The following LRMDA variants were observed in gnomAD, a reference collection of about 807,000 sequenced individuals.
The protein encoded by LRMDA is leucine-rich melanocyte differentiation-associated protein.
LRMDA carries 18 observed loss-of-function variants against 29.8 expected under a neutral mutation model. The observed-to-expected ratio is 0.60, with a 90% CI of 0.42 to 0.90. The LOEUF (loss-of-function observed/expected upper bound fraction) is 0.90. Ranked by LOEUF, LRMDA falls within the 40% of genes least tolerant of loss-of-function variation. The pLI is 0.00. For synonymous variants in LRMDA, 125 were observed against 109.4 expected (o/e 1.14, Z -0.89); for missense variants, 273 against 273.9 (o/e 1.00, Z 0.02).
intron 2 of LRMDA, among the ~76,000 whole-genome samples, chr10:75,958,588 C>T (rs1233003517): frequency 1.3e-5 from 2 of 151,962 alleles, no homozygotes; most frequent in Non-Finnish European, 2.9e-5. Flanking sequence ...CCCACTTTCT[C>T]TAATAAGTGT....
intron 2 of LRMDA, among the ~76,000 whole-genome samples, chr10:75,465,956 G>T (rs1221179510): frequency 6.6e-6 from 1 of 152,154 alleles, no homozygotes; most frequent in Non-Finnish European, 1.5e-5. Flanking sequence ...AAAACAGCTG[G>T]GGAAGTGCTG....
intron 6 of LRMDA, among the ~76,000 whole-genome samples, chr10:76,448,060 T>C (rs1297329166): frequency 6.6e-6 from 1 of 152,206 alleles, no homozygotes; most frequent in Non-Finnish European, 1.5e-5. Flanking sequence ...GAGTTTATTT[T>C]GATAGTAAAA....
intron 2 of LRMDA, among the ~76,000 whole-genome samples, chr10:75,924,339 T>C (rs1292105524): frequency 6.6e-6 from 1 of 152,162 alleles, no homozygotes; most frequent in African/African-American, 2.4e-5. Flanking sequence ...ATTTACATGG[T>C]TTGGTAGCTT....
chr10:75,880,355 G>T (rs1052142344), intron 2 of LRMDA, among the ~76,000 whole-genome samples: 1 of 152,148 alleles, frequency 6.6e-6, no homozygotes, highest in African/African-American at 2.4e-5. Flanking sequence ...AGTACTAAAA[G>T]GTCATTCAAA....
chr10:76,150,255 C>T (rs1449976091), intron 5 of LRMDA, among the ~76,000 whole-genome samples: 1 of 152,242 alleles, frequency 6.6e-6, no homozygotes, highest in Non-Finnish European at 1.5e-5. Context: ...AATGTGGCCA[C>T]TCTGAGGCGT....
chr10:75,971,614 G>A (rs1846972588), intron 2 of LRMDA, among the ~76,000 whole-genome samples: 1 of 152,158 alleles, frequency 6.6e-6, no homozygotes, highest in African/African-American at 2.4e-5. Flanking sequence ...AGCAAGGATG[G>A]GGTTTCTTAT....
intron 6 of LRMDA, among the ~76,000 whole-genome samples, chr10:76,364,831 T>A (rs970054715): frequency 6.6e-6 from 1 of 151,570 alleles, no homozygotes; most frequent in South Asian, 2.1e-4. Context: ...ACATTTGTAG[T>A]CTTTTATCCC....
chr10:75,957,665 T>C (rs552540586), intron 2 of LRMDA, among the ~76,000 whole-genome samples: 1 of 152,022 alleles, frequency 6.6e-6, no homozygotes, highest in Non-Finnish European at 1.5e-5. Context: ...AGCCACGGAG[T>C]GATGGGTAGC....
chr10:75,867,051 G>A (rs1043631676), intron 2 of LRMDA, among the ~76,000 whole-genome samples: 1 of 152,180 alleles, frequency 6.6e-6, no homozygotes, highest in Non-Finnish European at 1.5e-5. Context: ...TGGGGCTGGT[G>A]ACATTGCATC....
At chr10:76,438,067 A>G (rs996422425) in intron 6 of LRMDA, among the ~76,000 whole-genome samples, 4 of 152,178 alleles carry the variant, frequency 2.6e-5, no homozygotes, top group African/African-American at 9.7e-5. Context: ...GAGATCACAT[A>G]TGCCCAAAGA....
chr10:76,259,038 G>C (rs1406012203), intron 5 of LRMDA, among the ~76,000 whole-genome samples: 1 of 152,002 alleles, frequency 6.6e-6, no homozygotes, highest in Admixed American at 6.6e-5. Context: ...AAGGAACCTC[G>C]ATACTGTTCT....
intron 5 of LRMDA, among the ~76,000 whole-genome samples, chr10:76,091,947 A>C (rs1334511784): frequency 6.6e-6 from 1 of 152,116 alleles, no homozygotes; most frequent in Non-Finnish European, 1.5e-5. Context: ...TTGGCCTTTC[A>C]AAGTGTTGGG....
At chr10:76,363,276 A>AAGGAAGGGAAGG (rs1218743181) in intron 6 of LRMDA, among the ~76,000 whole-genome samples, 1 of 58,804 alleles carries the variant, frequency 1.7e-5, no homozygotes, top group East Asian at 3.7e-4. Context: ...GGAAGGAAGG[A>AAGGAAGGGAAGG]AAGGAAGGAA....
intron 5 of LRMDA, among the ~76,000 whole-genome samples, chr10:76,141,858 C>T (rs1300164985): frequency 1.3e-5 from 2 of 152,074 alleles, no homozygotes; most frequent in Non-Finnish European, 1.5e-5. Flanking sequence ...TAACTGTCCT[C>T]CTAGTTATTT....
intron 2 of LRMDA, among the ~76,000 whole-genome samples, chr10:76,018,566 AG>A: frequency 7.0e-6 from 1 of 142,468 alleles, no homozygotes; most frequent in Non-Finnish European, 1.5e-5. Flanking sequence ...AGGCTTCTGA[AG>A]TTTTTTTTTT....
chr10:76,321,190 G>T (rs533712085), intron 5 of LRMDA, among the ~76,000 whole-genome samples: 1 of 152,074 alleles, frequency 6.6e-6, no homozygotes, highest in African/African-American at 2.4e-5. Context: ...GAGATTTTCC[G>T]TAGAGTATAT....
intron 2 of LRMDA, among the ~76,000 whole-genome samples, chr10:75,892,949 G>A (rs78517305): frequency 0.015 from 2,292 of 152,264 alleles, 57 homozygotes; most frequent in African/African-American, 0.052. Context: ...GAACTGAGCA[G>A]CATAGACTTT....
chr10:76,479,075 T>C (rs1842710019), intron 6 of LRMDA, among the ~76,000 whole-genome samples: 1 of 150,956 alleles, frequency 6.6e-6, no homozygotes, highest in East Asian at 2.0e-4. Flanking sequence ...TAAAAAAAGA[T>C]CACAAACTAA....
chr10:75,945,693 G>A (rs2132414220), intron 2 of LRMDA, among the ~76,000 whole-genome samples: 1 of 152,264 alleles, frequency 6.6e-6, no homozygotes, highest in African/African-American at 2.4e-5. Context: ...CATTGTTTAA[G>A]AGAAGACGGA....
Sources: allele counts gnomAD v4.1 joint callset (sites outside exome capture counted in the v4.1 genomes callset), GRCh38; gene constraint gnomAD v4.1.1; transcripts MANE v1.5; gene names NCBI Gene and HGNC (gene_info 2026-07-23, HGNC 2026-07-21).